Variants in CYP2J2 observed in about 807,000 individuals in gnomAD.
CYP2J2 encodes the protein cytochrome P450 2J2.
A neutral mutation model predicts 48.8 loss-of-function variants in CYP2J2; 41 were observed. That is an observed-to-expected ratio of 0.84 (90% CI 0.66 to 1.09). The LOEUF is 1.09. Ranked by LOEUF, CYP2J2 falls within the 50% of genes least tolerant of loss-of-function variation. The probability of loss-of-function intolerance (pLI) is 0.00; values close to 1 mark genes in which losing one functional copy is unlikely to be tolerated. For synonymous variants in CYP2J2, 221 were observed against 227.1 expected (o/e 0.97, Z 0.24); for missense variants, 644 against 617.3 (o/e 1.04, Z -0.46).
the CYP2J2 span, among the ~76,000 whole-genome samples, chr1:59,949,317 A>G: frequency 1.3e-5 from 2 of 152,114 alleles, no homozygotes; most frequent in East Asian, 3.8e-4. Flanking sequence ...TATAAAAGCT[A>G]TTTGTCTTTG....
rs376137282 is a variant in CYP2J2 at position 59,911,564 on chromosome 1, G to A, written c.684+44C>T. ...AAAAACCCATCTGTGGCTGACATCG[G>A]CCCCAATTTACTGAACAAAGATATG... On this transcript the variant is annotated intron_variant, in intron 4 of 8. Coordinates refer to ENST00000371204, the MANE Select transcript of CYP2J2 (RefSeq NM_000775.4). 1.5e-4 allele frequency: 207 copies of A among 1,394,970 alleles called. 2 individuals carry two copies. In the South Asian group the frequency reaches 3.4e-3, roughly 23 times the overall value. The allele number at this position is 1,394,970 out of a possible 1,614,324, so 86.4% of individuals were successfully genotyped here.
At chr1:59,966,431 C>T in the CYP2J2 span, among the ~76,000 whole-genome samples, 2 of 152,078 alleles carry the variant, frequency 1.3e-5, no homozygotes, top group Non-Finnish European at 2.9e-5. Flanking sequence ...TTCTTCCTAC[C>T]ATTTCCAGTT....
chr1:59,961,251 C>T, the CYP2J2 span, among the ~76,000 whole-genome samples: 1 of 152,068 alleles, frequency 6.6e-6, no homozygotes, highest in Non-Finnish European at 1.5e-5. Context: ...ATCAGGAATT[C>T]ATATCCACAA....
At chr1:59,943,966 A>T in the CYP2J2 span, among the ~76,000 whole-genome samples, 1 of 152,228 alleles carries the variant, frequency 6.6e-6, no homozygotes, top group African/African-American at 2.4e-5. Context: ...AATTCCTTCA[A>T]AATGTAGCTT....
intron 1 of CYP2J2, among the ~76,000 whole-genome samples, chr1:59,922,486 G>A (rs1314130979): frequency 1.3e-5 from 2 of 151,988 alleles, no homozygotes; most frequent in African/African-American, 4.8e-5. Flanking sequence ...ACATAAAAAT[G>A]CAAACCTATA....
At chr1:59,931,347 A>G (rs1351937955), upstream of CYP2J2, among the ~76,000 whole-genome samples, 1 of 152,182 alleles carries the variant, frequency 6.6e-6, no homozygotes. Context: ...GAGGGACCCC[A>G]TATTATCATT....
the CYP2J2 span, among the ~76,000 whole-genome samples, chr1:59,959,077 C>A: frequency 6.6e-6 from 1 of 152,110 alleles, no homozygotes; most frequent in Non-Finnish European, 1.5e-5. Flanking sequence ...ATGCTCAGAT[C>A]CCGCTCACCT....
At chr1:59,898,358 G>A (rs1398065064) in intron 8 of CYP2J2, among the ~76,000 whole-genome samples, 3 of 152,138 alleles carry the variant, frequency 2.0e-5, no homozygotes, top group Non-Finnish European at 4.4e-5. Context: ...CAGCTTGCTG[G>A]AGGATGAGGG....
upstream of CYP2J2, chr1:59,926,774 G>C: frequency 6.3e-7 from 1 of 1,580,398 alleles, no homozygotes. Flanking sequence ...GCTCTTCTGC[G>C]GTCCAAGCAG....
At chr1:59,923,590 TA>T (rs1644536894) in intron 1 of CYP2J2, among the ~76,000 whole-genome samples, 1 of 152,118 alleles carries the variant, frequency 6.6e-6, no homozygotes, top group Non-Finnish European at 1.5e-5. Flanking sequence ...TAGGACATTT[TA>T]ACAAAGAAAT....
the CYP2J2 span, among the ~76,000 whole-genome samples, chr1:59,957,681 GAC>G: frequency 0.038 from 5,240 of 137,112 alleles, 129 homozygotes; most frequent in Admixed American, 0.092. Flanking sequence ...CAGACACACA[GAC>G]ACACACACAC....
chr1:59,925,594 G>T (rs1251442314), intron 1 of CYP2J2, among the ~76,000 whole-genome samples: 2 of 152,038 alleles, frequency 1.3e-5, no homozygotes, highest in African/African-American at 2.4e-5. Context: ...CAGGTTTGGG[G>T]GCTTAGTTTT....
the CYP2J2 span, among the ~76,000 whole-genome samples, chr1:59,932,415 T>C: frequency 6.6e-6 from 1 of 152,194 alleles, no homozygotes; most frequent in East Asian, 1.9e-4. Flanking sequence ...TTGTGTTTTA[T>C]ATTCATCTAA....
At chr1:59,925,377 A>AT (rs1052200628) in intron 1 of CYP2J2, among the ~76,000 whole-genome samples, 17 of 152,036 alleles carry the variant, frequency 1.1e-4, no homozygotes, top group African/African-American at 3.6e-4. Flanking sequence ...TCAAATACAT[A>AT]TTTTTTCCAG....
chr1:59,895,864 T>G (rs1236053647), intron 8 of CYP2J2, among the ~76,000 whole-genome samples: 1 of 152,190 alleles, frequency 6.6e-6, no homozygotes. Context: ...TAGTTAACAC[T>G]TTACTAAGGG....
At chr1:59,960,353 T>A in the CYP2J2 span, among the ~76,000 whole-genome samples, 1 of 152,154 alleles carries the variant, frequency 6.6e-6, no homozygotes, top group African/African-American at 2.4e-5. Flanking sequence ...TTATACAAAT[T>A]AACTTTTCTC....
chr1:59,912,190 G>A lies in CYP2J2; in HGVS notation c.495C>T (p.His165=), dbSNP rs777261726. 1 of 1,613,744 alleles carries A rather than the reference G, an allele frequency of 6.2e-7. No homozygotes were observed. Among genetic ancestry groups the A allele is most frequent in the African/African-American group, 1.3e-5 (1 of 74,990 alleles). Reference sequence around the variant, plus strand: ...TCTCCTCTTTTATTGCTTCAGTGAGGTGTTGGGCCTCCTCCTGAATGCGTT... The same window carrying A: ...TCTCCTCTTTTATTGCTTCAGTGAGATGTTGGGCCTCCTCCTGAATGCGTT... ...LEERIQEEAQ[H]LTEAIKEENG... Residue 165 remains histidine, a synonymous_variant, in exon 3 of 9, where the codon CAC becomes CAT. Coordinates refer to ENST00000371204, the MANE Select transcript of CYP2J2 (RefSeq NM_000775.4).
At chr1:59,960,500 A>G in the CYP2J2 span, among the ~76,000 whole-genome samples, 3 of 152,226 alleles carry the variant, frequency 2.0e-5, no homozygotes, top group East Asian at 5.8e-4. Context: ...GTCTTTGACC[A>G]CTGCATACCC....
chr1:59,915,962 G>C lies in CYP2J2; in HGVS notation c.349C>G (p.Arg117Gly), dbSNP rs750655796. The change falls in exon 2 of 9, where the codon CGA becomes GGA. Residue 117 changes from arginine (R) to glycine (G), a missense_variant. Coordinates refer to ENST00000371204, the MANE Select transcript of CYP2J2 (RefSeq NM_000775.4). ...CCATTTTTCTTAAAGATATGTTCTC[G>C]CATAGGGGTCACGGGGCGGTTCCCA... Reference protein sequence around the residue: ...NFGNRPVTPMREHIFKKNGLI... With the variant: ...NFGNRPVTPMGEHIFKKNGLI... The C allele has an allele frequency of 1.2e-5, 19 of 1,613,516 alleles. No individual in the cohort carries two copies. The highest frequency in any genetic ancestry group is 1.6e-5 in the Non-Finnish European group (19 of 1,179,822).
Sources: allele counts gnomAD v4.1 joint callset (sites outside exome capture counted in the v4.1 genomes callset), GRCh38; gene constraint gnomAD v4.1.1; transcripts MANE v1.5; gene names NCBI Gene and HGNC (gene_info 2026-07-23, HGNC 2026-07-21).